Variants in EMC8 observed in about 807,000 individuals in gnomAD.
EMC8 encodes the protein ER membrane protein complex subunit 8.
Under a neutral mutation model 24.3 loss-of-function variants are expected in EMC8, and 11 were observed. The ratio of observed to expected loss-of-function variants is 0.45; its 90% CI spans 0.28 to 0.75. EMC8 has a LOEUF of 0.75. Ranked by LOEUF, EMC8 falls within the 30% of genes least tolerant of loss-of-function variation. The probability of loss-of-function intolerance (pLI) is 0.12; values close to 1 mark genes in which losing one functional copy is unlikely to be tolerated. For synonymous variants in EMC8, 145 were observed against 117.7 expected (o/e 1.23, Z -1.50); for missense variants, 277 against 282.7 (o/e 0.98, Z 0.14).
chr16:85,792,904 A>T (rs1905079302), intron 1 of EMC8: 1 of 152,218 alleles, frequency 6.6e-6, no homozygotes, highest in Non-Finnish European at 1.5e-5. Context: ...TGAAAAATCA[A>T]GATGAAAATA....
Position 85,798,193 on chromosome 16 carries a change from C to T in EMC8, c.231+872G>A, listed in dbSNP as rs150142001. 7.5e-3 allele frequency among the ~76,000 whole-genome samples: 1,072 copies of T among 142,374 alleles called. 8 individuals are homozygous for T. Among genetic ancestry groups the T allele is most frequent in the African/African-American group, 0.027 (1,002 of 37,668 alleles). 93.4% of individuals were successfully genotyped at this position (142,374 alleles called of 152,430 possible). A position where few individuals can be genotyped will look rare whatever the true frequency, so the allele number is the denominator to read the frequency against. On this transcript the variant is annotated intron_variant, in intron 1 of 4. Coordinates refer to ENST00000253457, the MANE Select transcript of EMC8 (RefSeq NM_006067.5). ...CTGGAGTGCAGTGGCGTGATCTCGGCTCACTGCAACCTCTGCCTCCTGGGT... is the reference window on the plus strand; with the variant it reads ...CTGGAGTGCAGTGGCGTGATCTCGGTTCACTGCAACCTCTGCCTCCTGGGT...
intron 2 of EMC8, among the ~76,000 whole-genome samples, chr16:85,784,073 AC>A (rs1365452035): frequency 6.6e-6 from 1 of 151,892 alleles, no homozygotes; most frequent in Admixed American, 6.6e-5. Context: ...ATCTCGGCTC[AC>A]TGCAAGCTCT....
intron 1 of EMC8, among the ~76,000 whole-genome samples, chr16:85,796,278 A>G (rs1567834977): frequency 6.6e-6 from 1 of 152,108 alleles, no homozygotes; most frequent in South Asian, 2.1e-4. Flanking sequence ...GTCCCAGCGC[A>G]CAAGCCAGGA....
At chr16:85,782,357 C>T (rs16939706) in intron 2 of EMC8, among the ~76,000 whole-genome samples, 2,491 of 152,300 alleles carry the variant, frequency 0.016, 209 homozygotes, top group Admixed American at 0.14. Flanking sequence ...CACCTTTCTA[C>T]CTTAAGTTAA....
chr16:85,781,487 G>A (rs1317604022), intron 2 of EMC8: 4 of 538,132 alleles, frequency 7.4e-6, no homozygotes, highest in South Asian at 2.1e-5. Context: ...CTGGAGTGTA[G>A]TGACGCAATC....
At chr16:85,781,397 CA>C (rs994395355) in intron 2 of EMC8, 117 bp from the exon 3 acceptor site, 1 of 737,358 alleles carries the variant, frequency 1.4e-6, no homozygotes, top group African/African-American at 1.7e-5. Flanking sequence ...GCAGAGCCAA[CA>C]GGCTGCACGT....
In EMC8 at chr16:85,799,024, C is replaced by T. The variant is rs992488147; in HGVS notation, c.231+41G>A. 1 of 1,377,222 alleles carries T rather than the reference C, an allele frequency of 7.3e-7. No individual in the cohort carries two copies. Among genetic ancestry groups the T allele is most frequent in the African/African-American group, 1.4e-5 (1 of 70,124 alleles). The allele number at this position is 1,377,222 out of a possible 1,614,324, so 85.3% of individuals were successfully genotyped here. ...TTCCTCTCTGCTGACTGAGGGGAGG[C>T]CAGGCTGCCTGCAAGGGGAAGGGGC... On this transcript the variant is annotated intron_variant, in intron 1 of 4. Coordinates refer to ENST00000253457, the MANE Select transcript of EMC8 (RefSeq NM_006067.5). The surrounding 1 kb of genome is among the most constrained non-coding windows in gnomAD (Gnocchi z 4.2).
Position 85,795,824 on chromosome 16 carries a change from G to C in EMC8, c.231+3241C>G, listed in dbSNP as rs533093568. The stretch of plus-strand genomic sequence containing the variant: ...AAGCTGGTGGGTCAGAGGTTCCAGA[G>C]CCTGGACTTGCTGCTGAGCCCTCAA... On this transcript the variant is annotated intron_variant, in intron 1 of 4. Transcript: ENST00000253457. 1.5e-3 allele frequency among the ~76,000 whole-genome samples: 222 copies of C among 152,292 alleles called. 1 individual carries two copies. The highest frequency in any genetic ancestry group is 5.2e-3 in the African/African-American group (217 of 41,558).
chr16:85,782,710 CG>C (rs1904565499), intron 2 of EMC8, among the ~76,000 whole-genome samples: 2 of 152,130 alleles, frequency 1.3e-5, no homozygotes, highest in South Asian at 4.1e-4. Context: ...AGCAGCACTC[CG>C]GAAGTCTCCT....
intron 1 of EMC8, among the ~76,000 whole-genome samples, chr16:85,794,478 CAGG>C (rs1450918777): frequency 6.6e-6 from 1 of 152,134 alleles, no homozygotes; most frequent in African/African-American, 2.4e-5. Context: ...TGCCTGAGCT[CAGG>C]AGATCGAGAC....
Position 85,799,229 on chromosome 16 carries a change from G to A in EMC8, c.67C>T (p.His23Tyr), listed in dbSNP as rs758706913. The A allele has an allele frequency of 1.2e-6, 2 of 1,613,338 alleles. No individual in the cohort carries two copies. The highest frequency in any genetic ancestry group is 1.7e-5 in the Admixed American group (1 of 60,030). Residue 23 changes from histidine to tyrosine, a missense_variant, in exon 1 of 5, where the codon CAC (histidine) becomes TAC (tyrosine). Physicochemically the swap from His to Tyr is moderately conservative, Grantham distance 83. Coordinates refer to ENST00000253457, the MANE Select transcript of EMC8 (RefSeq NM_006067.5). This position sits in a 1 kb window ranked among gnomAD's most constrained non-coding sequence, Gnocchi z 4.2. ...KMVLHGAKYPHCAVNGLLVAE... is the reference protein window; with the variant it reads ...KMVLHGAKYPYCAVNGLLVAE... ...ACCAGGAGCCCGTTGACGGCGCAGT[G>A]CGGGTACTTGGCGCCGTGCAGCACC...
At chr16:85,797,671 G>A (rs187235165) in intron 1 of EMC8, among the ~76,000 whole-genome samples, 18 of 152,292 alleles carry the variant, frequency 1.2e-4, no homozygotes, top group Non-Finnish European at 1.8e-4. Context: ...ACTGACTTGG[G>A]TGTCATAATT....
At chr16:85,788,923 G>T in intron 2 of EMC8, 51 bp downstream of exon 2, 1 of 1,316,236 alleles carries the variant, frequency 7.6e-7, no homozygotes. Flanking sequence ...GACGGGGTCT[G>T]CCCAACACGT....
chr16:85,790,837 C>CTT (rs112084374), intron 1 of EMC8, among the ~76,000 whole-genome samples: 1 of 148,170 alleles, frequency 6.7e-6, no homozygotes, highest in South Asian at 2.1e-4. Flanking sequence ...TAAAACAACA[C>CTT]TTTTTTTTTT....
intron 4 of EMC8, 67 bp downstream of exon 4, chr16:85,780,312 A>T: frequency 8.9e-7 from 1 of 1,122,216 alleles, no homozygotes; most frequent in African/African-American, 1.5e-5. Flanking sequence ...AGGCGGGGTG[A>T]GAGTGGCTCT....
chr16:85,798,960 G>A (rs1319099642), intron 1 of EMC8, 105 bp downstream of exon 1: 1 of 760,518 alleles, frequency 1.3e-6, no homozygotes. Context: ...CTAGGGAGCG[G>A]GTCCTAGGAG....
chr16:85,783,794 T>A (rs1904623505), intron 2 of EMC8, among the ~76,000 whole-genome samples: 1 of 152,162 alleles, frequency 6.6e-6, no homozygotes, highest in African/African-American at 2.4e-5. Context: ...CCTCTTTCAG[T>A]GCCCAGAAGA....
chr16:85,797,348 C>T lies in EMC8; in HGVS notation c.231+1717G>A, dbSNP rs1040217908. Among the ~76,000 whole-genome samples the T allele has an allele frequency of 4.6e-5, 7 of 152,134 alleles. No homozygotes were observed. In the East Asian group the frequency reaches 1.3e-3, roughly 29 times the overall value. On this transcript the variant is annotated intron_variant, in intron 1 of 4. Coordinates refer to ENST00000253457, the MANE Select transcript of EMC8 (RefSeq NM_006067.5). ...ACCTGAATCTGGGAGGTGGAAGTTG[C>T]AGTGAGCCGAGATCATGCCATTGCA...
At chr16:85,784,882 T>C (rs1904680581) in intron 2 of EMC8, 1 of 152,058 alleles carries the variant, frequency 6.6e-6, no homozygotes, top group Admixed American at 6.6e-5. Flanking sequence ...GGGGAGAGGG[T>C]AAGGAAACAC....
Sources: gnomAD v4.1 joint callset for allele counts (sites outside exome capture counted in the v4.1 genomes callset) on GRCh38, gnomAD v4.1.1 for gene constraint, Gnocchi (gnomAD v3.1) non-coding constraint, MANE v1.5 for transcripts, NCBI Gene and HGNC (gene_info 2026-07-23, HGNC 2026-07-21) for gene names.